KDELR3: variants seen among roughly 807,000 people sequenced by gnomAD.
KDELR3 encodes the protein ER lumen protein-retaining receptor 3.
KDELR3 carries 26 observed loss-of-function variants against 22.7 expected under a neutral mutation model. The ratio of observed to expected loss-of-function variants is 1.15; its 90% CI spans 0.84 to 1.59. The LOEUF (loss-of-function observed/expected upper bound fraction) is 1.59. KDELR3 is among the 40% of genes most tolerant of loss of function. The pLI is 0.00. For missense variants in KDELR3, 289 were observed against 251.1 expected (o/e 1.15, Z -1.02); for synonymous variants, 120 against 98.2 (o/e 1.22, Z -1.31).
intron 4 of KDELR3, among the ~76,000 whole-genome samples, chr22:38,482,117 T>C (rs1454864318): frequency 6.6e-6 from 1 of 152,108 alleles, no homozygotes; most frequent in East Asian, 1.9e-4. Flanking sequence ...CACTAGCTGC[T>C]ATGTAGGGTA....
At chr22:38,469,123 C>G (rs1227795682) in intron 1 of KDELR3, among the ~76,000 whole-genome samples, 1 of 152,202 alleles carries the variant, frequency 6.6e-6, no homozygotes, top group Admixed American at 6.5e-5. Context: ...CCCGAAGGCC[C>G]TGTGGAAGGA....
chr22:38,480,730 G>A (rs769414499), intron 3 of KDELR3, among the ~76,000 whole-genome samples: 43 of 152,126 alleles, frequency 2.8e-4, no homozygotes, highest in South Asian at 6.2e-4. Flanking sequence ...TCCAGCCTGG[G>A]AGACAGAGCG....
intron 4 of KDELR3, chr22:38,481,683 G>A (rs1016621656): frequency 1.5e-5 from 21 of 1,368,934 alleles, no homozygotes; most frequent in Non-Finnish European, 1.9e-5. Flanking sequence ...GCTGTGAGAT[G>A]ACATTTGACA....
chr22:38,476,658 G>A (rs1347966470), intron 2 of KDELR3, among the ~76,000 whole-genome samples: 1 of 151,910 alleles, frequency 6.6e-6, no homozygotes, highest in African/African-American at 2.4e-5. Context: ...CAGAGTAGCT[G>A]GGATTACAGG....
At position 38,479,708 on chromosome 22, in the gene KDELR3, T is replaced by C. The variant is rs2089585871; in HGVS notation, c.308T>C (p.Ile103Thr). The C allele has an allele frequency of 6.2e-7, 1 of 1,614,216 alleles. No individual in the cohort carries two copies. The highest frequency in any genetic ancestry group is 8.5e-7 in the Non-Finnish European group (1 of 1,180,042). ...CTGGAGTTTCTTCTGGTCCCAGTCA[T>C]TGGCCTTTCCTTCCTTGAAAACTAC... is the stretch of plus-strand genomic sequence containing the variant. The part of the protein sequence containing the change: ...FRLEFLLVPV[I>T]GLSFLENYSF... The change falls in exon 3 of 5, where the codon ATT (isoleucine) becomes ACT (threonine). Residue 103 changes from isoleucine (I) to threonine (T), a missense_variant. Ile to Thr is a moderately conservative substitution (Grantham distance 89, BLOSUM62 -1). Coordinates refer to ENST00000216014, the MANE Select transcript of KDELR3 (RefSeq NM_006855.4).
At position 38,479,623 on chromosome 22, in the gene KDELR3, G is replaced by C. The variant is rs774317224; in HGVS notation, c.223G>C (p.Val75Leu). 1 of 1,613,954 alleles carries C rather than the reference G, an allele frequency of 6.2e-7. No individual in the cohort carries two copies. Among genetic ancestry groups the C allele is most frequent in the Admixed American group, 1.7e-5 (1 of 60,020 alleles). ...TTTTCTCCTCTGTGCCTATGTTACA[G>C]TGTACATGATATATGGGAAATTCCG... ...VVFLLCAYVT[V>L]YMIYGKFRKT... The change falls in exon 3 of 5, where the codon GTG (valine) becomes CTG (leucine). Residue 75 changes from valine (V) to leucine (L), a missense_variant. Transcript: ENST00000216014.
rs1243072865 is a variant in KDELR3, at chr22:38,479,691, T to C, written c.291T>C (p.Phe97=). 4 of 1,614,092 alleles carry C rather than the reference T, an allele frequency of 2.5e-6. No individual in the cohort carries two copies. The African/African-American group carries it at 5.3e-5, about 22-fold the overall frequency. Residue 97 remains phenylalanine (F), a synonymous_variant, in exon 3 of 5, where the codon TTT becomes TTC. Transcript: ENST00000216014. ...AGAATGACACATTCCGCCTGGAGTT[T>C]CTTCTGGTCCCAGTCATTGGCCTTT... The part of the protein sequence containing the change: ...DSENDTFRLE[F]LLVPVIGLSF...
At position 38,481,648 on chromosome 22, in the gene KDELR3, T is replaced by C. The variant is rs915826807; in HGVS notation, c.604+184T>C. The C allele has an allele frequency of 8.3e-5, 121 of 1,452,772 alleles. No homozygotes were observed. The East Asian group carries it at 2.5e-3, about 30-fold the overall frequency. The allele number at this position is 1,452,772 out of a possible 1,614,324, so 90.0% of individuals were successfully genotyped here. Reference sequence around the variant, plus strand: ...AATGCCATAAAAACATGCAGGCCAATAGGTTATGTGTACTATGCAAGACAG... The same window carrying C: ...AATGCCATAAAAACATGCAGGCCAACAGGTTATGTGTACTATGCAAGACAG... On this transcript the variant is annotated intron_variant, in intron 4 of 4. Coordinates refer to ENST00000216014, the MANE Select transcript of KDELR3 (RefSeq NM_006855.4).
intron 1 of KDELR3, 131 bp from the exon 2 acceptor site, chr22:38,474,392 C>T (rs943446099): frequency 4.5e-6 from 3 of 660,258 alleles, no homozygotes; most frequent in Non-Finnish European, 8.0e-6. Flanking sequence ...GCGACAGTGC[C>T]CTGGACAGGA....
In KDELR3 at chr22:38,482,733, GTCATAAAAAACC is replaced by G; in HGVS notation, c.*200_*211del. 1.8e-6 allele frequency: 1 copy of G among 563,292 alleles called. No homozygotes were observed. Among genetic ancestry groups the G allele is most frequent in the East Asian group, 2.9e-5 (1 of 34,662 alleles). 34.9% of individuals were successfully genotyped at this position (563,292 alleles called of 1,614,324 possible). A position where few individuals can be genotyped will look rare whatever the true frequency, so the allele number is the denominator to read the frequency against. ...ATCGCCCTTAAAGACCCATTGTAAG[GTCATAAAAAACC>G]TCGGCCACCTGCACAAAGATGGTGC... On this transcript the variant is annotated 3_prime_UTR_variant, in exon 5 of 5. Coordinates refer to ENST00000216014, the MANE Select transcript of KDELR3 (RefSeq NM_006855.4).
intron 1 of KDELR3, 84 bp downstream of exon 1, chr22:38,468,408 G>A (rs2145960211): frequency 2.4e-6 from 3 of 1,234,090 alleles, no homozygotes; most frequent in African/African-American, 3.0e-5. Context: ...CGCTCCAGGT[G>A]TCTGCTCAGG....
intron 1 of KDELR3, among the ~76,000 whole-genome samples, chr22:38,469,868 G>A (rs1022636402): frequency 4.6e-5 from 7 of 152,216 alleles, no homozygotes; most frequent in Non-Finnish European, 8.8e-5. Flanking sequence ...CCCTGAAGCT[G>A]AAGTACTGTG....
rs746459328 is a variant in KDELR3 at position 38,474,636 on chromosome 22, GTGA to G, written c.192+19_192+21del. The G allele has an allele frequency of 6.2e-6, 10 of 1,603,296 alleles. No individual in the cohort carries two copies. In the African/African-American group the frequency reaches 1.2e-4, roughly 19 times the overall value. ...CACAGTAATGAAGGTGAGGGGCTGG[GTGA>G]TGATGGTTGGGGGAAGCCACCAAGC... On this transcript the variant is annotated intron_variant, in intron 2 of 4. Transcript: ENST00000216014.
chr22:38,474,481 G>A (rs923461757), intron 1 of KDELR3, 42 bp from the exon 2 acceptor site: 1 of 1,525,258 alleles, frequency 6.6e-7, no homozygotes, highest in Non-Finnish European at 9.1e-7. Flanking sequence ...GCAGGCTTGG[G>A]AGTCTGTGTC....
chr22:38,481,488 G>C, intron 4 of KDELR3, 24 bp downstream of exon 4: 1 of 1,614,090 alleles, frequency 6.2e-7, no homozygotes. Flanking sequence ...TGACAGCAAT[G>C]CTGACACTGG....
chr22:38,476,822 C>T (rs969837620), intron 2 of KDELR3, among the ~76,000 whole-genome samples: 2 of 147,730 alleles, frequency 1.4e-5, no homozygotes, highest in Non-Finnish European at 3.0e-5. Context: ...CCACACCTGG[C>T]CCCCCCTTTT....
In KDELR3 at chr22:38,481,247, G is replaced by A. The variant is rs2089597843; in HGVS notation, c.387G>A (p.Val129=). ...CTTTCTCTATCTATCTGGAATCAGT[G>A]GCTATCCTGCCCCAGCTCTTCATGA... is the stretch of plus-strand genomic sequence containing the variant. ...LWTFSIYLES[V]AILPQLFMIS... Residue 129 remains valine (V), a synonymous_variant, in exon 4 of 5, where the codon GTG becomes GTA. Coordinates refer to ENST00000216014, the MANE Select transcript of KDELR3 (RefSeq NM_006855.4). 2.5e-6 allele frequency: 4 copies of A among 1,614,016 alleles called. No homozygotes were observed. The African/African-American group carries it at 5.3e-5, about 22-fold the overall frequency.
intron 2 of KDELR3, among the ~76,000 whole-genome samples, chr22:38,476,392 G>T (rs969204137): frequency 6.6e-6 from 1 of 152,044 alleles, no homozygotes; most frequent in Non-Finnish European, 1.5e-5. Context: ...GCTAAGTTTT[G>T]TATTTTTAGT....
At chr22:38,471,434 T>C (rs932620716) in intron 1 of KDELR3, among the ~76,000 whole-genome samples, 2 of 152,118 alleles carry the variant, frequency 1.3e-5, no homozygotes, top group African/African-American at 4.8e-5. Context: ...TGGGGTTCAT[T>C]ACCCACTGCC....
Sources: allele counts gnomAD v4.1 joint callset (sites outside exome capture counted in the v4.1 genomes callset), GRCh38; gene constraint gnomAD v4.1.1; transcripts MANE v1.5; gene names NCBI Gene and HGNC (gene_info 2026-07-23, HGNC 2026-07-21).